Variants in DLGAP1 observed in about 807,000 individuals in gnomAD.
DLGAP1 encodes the protein disks large-associated protein 1.
Under a neutral mutation model 90.8 loss-of-function variants are expected in DLGAP1, and 11 were observed. The ratio of observed to expected loss-of-function variants is 0.12; its 90% CI spans 0.08 to 0.20. The LOEUF is 0.20. Among genes scored for constraint, DLGAP1 ranks in the 10% least tolerant of loss-of-function variants. The probability of loss-of-function intolerance (pLI) is 1.00; values close to 1 mark genes in which losing one functional copy is unlikely to be tolerated. For missense variants in DLGAP1, 1,050 were observed against 1,333.8 expected (o/e 0.79, Z 3.31); for synonymous variants, 558 against 540.7 (o/e 1.03, Z -0.44).
chr18:4,018,370 T>G (rs2074556119), intron 2 of DLGAP1, among the ~76,000 whole-genome samples: 1 of 152,236 alleles, frequency 6.6e-6, no homozygotes, highest in Admixed American at 6.5e-5. Flanking sequence ...GGATGTGGGC[T>G]GCCCAGGGAG....
At chr18:4,348,290 G>A (rs769749946) in intron 1 of DLGAP1, among the ~76,000 whole-genome samples, 20 of 152,046 alleles carry the variant, frequency 1.3e-4, no homozygotes, top group South Asian at 4.1e-4. Flanking sequence ...GATACTGAGA[G>A]TGAAGTTTCT....
At chr18:4,405,865 T>G (rs139997702) in intron 1 of DLGAP1, among the ~76,000 whole-genome samples, 40 of 152,232 alleles carry the variant, frequency 2.6e-4, no homozygotes, top group African/African-American at 9.4e-4. Flanking sequence ...CTTTGCGTTT[T>G]GAACAAAGAA....
At chr18:4,018,291 C>A (rs2074555108) in intron 2 of DLGAP1, among the ~76,000 whole-genome samples, 1 of 152,182 alleles carries the variant, frequency 6.6e-6, no homozygotes, top group Admixed American at 6.5e-5. Context: ...AGCTGGGATG[C>A]CCTTCAGAAC....
At chr18:4,366,773 T>C (rs1303549140) in intron 1 of DLGAP1, among the ~76,000 whole-genome samples, 1 of 151,992 alleles carries the variant, frequency 6.6e-6, no homozygotes, top group East Asian at 1.9e-4. Context: ...CTCTTTCTAC[T>C]TGATAATGTG....
intron 9 of DLGAP1, among the ~76,000 whole-genome samples, chr18:3,550,728 C>T (rs905364172): frequency 7.0e-6 from 1 of 143,208 alleles, no homozygotes; most frequent in Non-Finnish European, 1.5e-5. Flanking sequence ...GATCCAGAAC[C>T]AGACCCTTTT....
intron 1 of DLGAP1, among the ~76,000 whole-genome samples, chr18:4,365,387 G>A (rs778107301): frequency 6.6e-6 from 1 of 152,104 alleles, no homozygotes; most frequent in Non-Finnish European, 1.5e-5. Context: ...CAGATTACTG[G>A]TTGCCTAGGG....
intron 4 of DLGAP1, among the ~76,000 whole-genome samples, chr18:3,823,724 CA>C (rs1161389910): frequency 1.3e-5 from 2 of 151,890 alleles, no homozygotes; most frequent in Non-Finnish European, 2.9e-5. Flanking sequence ...CCGAGGCGGG[CA>C]GATCACCTGA....
chr18:4,260,877 C>T (rs1048040080), intron 1 of DLGAP1, among the ~76,000 whole-genome samples: 4 of 152,126 alleles, frequency 2.6e-5, no homozygotes, highest in Admixed American at 6.5e-5. Flanking sequence ...CATCCAGAAA[C>T]GATTGGAAAA....
chr18:3,587,602 T>C (rs1044321824), intron 7 of DLGAP1, among the ~76,000 whole-genome samples: 1 of 152,140 alleles, frequency 6.6e-6, no homozygotes, highest in Non-Finnish European at 1.5e-5. Context: ...GCAATCCCGC[T>C]TGGGTCCCCT....
intron 1 of DLGAP1, among the ~76,000 whole-genome samples, chr18:4,193,438 T>C (rs1381888663): frequency 6.6e-6 from 1 of 152,154 alleles, no homozygotes; most frequent in East Asian, 1.9e-4. Flanking sequence ...TGTATGAAAG[T>C]TGAGCCAACA....
chr18:4,136,031 T>C (rs946040926), intron 2 of DLGAP1, among the ~76,000 whole-genome samples: 1 of 151,290 alleles, frequency 6.6e-6, no homozygotes, highest in Non-Finnish European at 1.5e-5. Context: ...CCCCACCTCA[T>C]GACAGGCCCG....
At chr18:3,706,969 T>C (rs1333219064) in intron 7 of DLGAP1, among the ~76,000 whole-genome samples, 1 of 152,190 alleles carries the variant, frequency 6.6e-6, no homozygotes, top group Non-Finnish European at 1.5e-5. Context: ...TAATATGGAA[T>C]TTAAGAGAAG....
intron 7 of DLGAP1, chr18:3,607,895 T>C (rs1209785609): frequency 6.6e-6 from 1 of 152,174 alleles, no homozygotes; most frequent in African/African-American, 2.4e-5. Flanking sequence ...GGAGGTTGGA[T>C]GGGAATGTTC....
intron 7 of DLGAP1, among the ~76,000 whole-genome samples, chr18:3,726,663 T>C (rs2062193053): frequency 6.6e-6 from 1 of 152,236 alleles, no homozygotes; most frequent in South Asian, 2.1e-4. Flanking sequence ...AAACTGTTTA[T>C]TTTTCCACAC....
intron 1 of DLGAP1, among the ~76,000 whole-genome samples, chr18:4,245,544 G>A (rs954385588): frequency 3.3e-5 from 5 of 152,124 alleles, no homozygotes; most frequent in African/African-American, 1.2e-4. Flanking sequence ...TCTTAGCAAA[G>A]CTATTATTTT....
intron 1 of DLGAP1, among the ~76,000 whole-genome samples, chr18:4,203,096 G>T (rs1015027221): frequency 7.2e-5 from 11 of 151,992 alleles, no homozygotes; most frequent in Admixed American, 5.9e-4. Flanking sequence ...CCATCATGAT[G>T]AAACCTGTCT....
intron 2 of DLGAP1, among the ~76,000 whole-genome samples, chr18:4,088,086 A>AT (rs201363511): frequency 2.4e-5 from 3 of 125,176 alleles, no homozygotes. Flanking sequence ...TTAAACATTT[A>AT]TTTTTTTCCT....
At chr18:3,794,293 A>C (rs2065879373) in intron 5 of DLGAP1, among the ~76,000 whole-genome samples, 1 of 152,224 alleles carries the variant, frequency 6.6e-6, no homozygotes, top group African/African-American at 2.4e-5. Flanking sequence ...TGAGGCAGGA[A>C]ACTTGTTAGC....
At chr18:3,847,748 C>A (rs2069097537) in intron 4 of DLGAP1, among the ~76,000 whole-genome samples, 1 of 152,072 alleles carries the variant, frequency 6.6e-6, no homozygotes, top group African/African-American at 2.4e-5. Context: ...CTGTTTTAAA[C>A]ATGAGAGATG....
Sources: allele counts gnomAD v4.1 joint callset (sites outside exome capture counted in the v4.1 genomes callset), GRCh38; gene constraint gnomAD v4.1.1; transcripts MANE v1.5; gene names NCBI Gene and HGNC (gene_info 2026-07-23, HGNC 2026-07-21).